PACRG: variants seen among roughly 807,000 people sequenced by gnomAD.
PACRG encodes parkin coregulated gene protein.
In PACRG, 29 loss-of-function variants were observed where a neutral mutation model predicts 29.7. The ratio of observed to expected loss-of-function variants is 0.98; its 90% CI spans 0.73 to 1.33. The LOEUF is 1.33. PACRG is among the 40% of genes most tolerant of loss of function. The probability of loss-of-function intolerance (pLI) is 0.00; values close to 1 mark genes in which losing one functional copy is unlikely to be tolerated. For missense variants in PACRG, 279 were observed against 316.2 expected, an observed-to-expected ratio of 0.88 and a Z score of 0.89; for synonymous variants, 116 against 118.7, an observed-to-expected ratio of 0.98 and a Z score of 0.15.
At chr6:163,288,923 C>T (rs1784486952) in intron 4 of PACRG, among the ~76,000 whole-genome samples, 1 of 152,166 alleles carries the variant, frequency 6.6e-6, no homozygotes, top group Non-Finnish European at 1.5e-5. Context: ...AGATGCGGCC[C>T]TTCCTTAGTG....
intron 4 of PACRG, among the ~76,000 whole-genome samples, chr6:163,236,836 G>T (rs1304880848): frequency 6.6e-6 from 1 of 152,156 alleles, no homozygotes; most frequent in Non-Finnish European, 1.5e-5. Context: ...AGGCATGGCT[G>T]GGGAGGCCTC....
At chr6:163,230,560 A>T (rs1781982055) in intron 4 of PACRG, among the ~76,000 whole-genome samples, 1 of 152,182 alleles carries the variant, frequency 6.6e-6, no homozygotes, top group Non-Finnish European at 1.5e-5. Context: ...ATTAAATTTC[A>T]TGCCATCTAG....
intron 2 of PACRG, among the ~76,000 whole-genome samples, chr6:162,967,194 TGAA>T (rs1160486382): frequency 2.0e-5 from 3 of 151,850 alleles, no homozygotes; most frequent in Admixed American, 2.0e-4. Context: ...GGGTTTGAAA[TGAA>T]GAAGCAGATA....
At chr6:162,868,878 T>G (rs2127991135) in intron 2 of PACRG, among the ~76,000 whole-genome samples, 2 of 152,238 alleles carry the variant, frequency 1.3e-5, no homozygotes, top group South Asian at 4.1e-4. Flanking sequence ...AAATTCCTTT[T>G]AGACCTGTTC....
chr6:163,143,963 G>A (rs114715374), intron 4 of PACRG, among the ~76,000 whole-genome samples: 2,485 of 152,132 alleles, frequency 0.016, 61 homozygotes, highest in African/African-American at 0.053. Context: ...GGCCAGGTGC[G>A]GTGGCTCACA....
At chr6:163,245,126 T>G (rs1453739689) in intron 4 of PACRG, 2 of 428,020 alleles carry the variant, frequency 4.7e-6, no homozygotes, top group Non-Finnish European at 9.3e-6. Context: ...CATTTCATCA[T>G]TTGTAATTAA....
At chr6:163,134,142 TC>T (rs1217470198) in intron 4 of PACRG, among the ~76,000 whole-genome samples, 2 of 152,320 alleles carry the variant, frequency 1.3e-5, no homozygotes, top group Middle Eastern at 3.4e-3. Context: ...CCCCTATCTT[TC>T]CCTTCCGTTC....
chr6:162,749,325 T>A (rs896338908), intron 1 of PACRG, among the ~76,000 whole-genome samples: 17 of 152,148 alleles, frequency 1.1e-4, no homozygotes, highest in African/African-American at 4.1e-4. Flanking sequence ...GGTGAGAGGA[T>A]CAAAACTCCA....
At chr6:162,911,874 C>T (rs975680581) in intron 2 of PACRG, among the ~76,000 whole-genome samples, 2 of 152,128 alleles carry the variant, frequency 1.3e-5, no homozygotes, top group Non-Finnish European at 2.9e-5. Context: ...TCTGAAAGTC[C>T]TGTAGAAAAA....
rs1301449240 is a variant in PACRG at position 163,164,688 on chromosome 6, T to C, written c.613+75280T>C. On this transcript the variant is annotated intron_variant, in intron 4 of 4. Transcript: ENST00000366888. ...ATTCCACCTCTCAGCCACTGGCCCG[T>C]TTTTGGGGCCTTAGTTCAAGCTGGG... 2.0e-5 allele frequency among the ~76,000 whole-genome samples: 3 copies of C among 152,278 alleles called. No individual in the cohort carries two copies. In the East Asian group the frequency reaches 5.8e-4, roughly 29 times the overall value.
chr6:162,810,853 A>C (rs1281212155), intron 1 of PACRG, among the ~76,000 whole-genome samples: 2 of 152,202 alleles, frequency 1.3e-5, no homozygotes, highest in Admixed American at 6.5e-5. Context: ...AAGGAAAAAG[A>C]AGCCAGGCCA....
chr6:163,097,485 A>C (rs896149258), intron 4 of PACRG, among the ~76,000 whole-genome samples: 2 of 152,218 alleles, frequency 1.3e-5, no homozygotes, highest in Admixed American at 1.3e-4. Context: ...TCTGTAAAAT[A>C]TTTAAAGAGG....
At chr6:162,980,891 T>C (rs7747404) in intron 2 of PACRG, among the ~76,000 whole-genome samples, 62,957 of 151,850 alleles carry the variant, frequency 0.41, 13,352 homozygotes, top group East Asian at 0.7. Flanking sequence ...ATTACTTTCT[T>C]TTTTTTTATT....
chr6:162,834,364 G>T (rs752416834), intron 2 of PACRG, among the ~76,000 whole-genome samples: 1 of 152,054 alleles, frequency 6.6e-6, no homozygotes, highest in Non-Finnish European at 1.5e-5. Context: ...TATATACATT[G>T]TATAACATTG....
At chr6:162,967,656 G>A (rs1473167316) in intron 2 of PACRG, among the ~76,000 whole-genome samples, 3 of 151,808 alleles carry the variant, frequency 2.0e-5, no homozygotes, top group Non-Finnish European at 4.4e-5. Context: ...ACAGGCGCCT[G>A]CCACCACGCC....
intron 4 of PACRG, among the ~76,000 whole-genome samples, chr6:163,096,405 A>G (rs189092403): frequency 6.6e-6 from 1 of 152,308 alleles, no homozygotes; most frequent in East Asian, 1.9e-4. Context: ...CACCTGGTGG[A>G]CAAGCAGGGG....
intron 1 of PACRG, among the ~76,000 whole-genome samples, chr6:162,747,412 A>T (rs1157765965): frequency 1.6e-5 from 2 of 123,494 alleles, no homozygotes; most frequent in Non-Finnish European, 3.3e-5. Flanking sequence ...GTATATATAT[A>T]TATAACTATA....
rs976636864 is a variant in PACRG at position 162,970,481 on chromosome 6, C to A, written c.292-91669C>A. ...TCCCGGCTATCGATGAAGAAACCAGCTGCTTTCCTATGTAGTGAACAAGCA... is the reference window on the plus strand; with the variant it reads ...TCCCGGCTATCGATGAAGAAACCAGATGCTTTCCTATGTAGTGAACAAGCA... On this transcript the variant is annotated intron_variant, in intron 2 of 4. Transcript: ENST00000366888. 4.6e-5 allele frequency among the ~76,000 whole-genome samples: 7 copies of A among 152,316 alleles called. No homozygotes were observed. In the East Asian group the frequency reaches 1.2e-3, roughly 25 times the overall value.
intron 2 of PACRG, among the ~76,000 whole-genome samples, chr6:162,827,907 G>A (rs2128387532): frequency 6.6e-6 from 1 of 152,086 alleles, no homozygotes; most frequent in Middle Eastern, 3.4e-3. Context: ...GGGGAAACCA[G>A]CATATGCTAT....
Sources: gnomAD v4.1 joint callset for allele counts (sites outside exome capture counted in the v4.1 genomes callset) on GRCh38, gnomAD v4.1.1 for gene constraint, MANE v1.5 for transcripts, NCBI Gene and HGNC (gene_info 2026-07-23, HGNC 2026-07-21) for gene names.